Variants in SERPINE2 observed in about 807,000 individuals in gnomAD.
The protein encoded by SERPINE2 is glia-derived nexin.
A neutral mutation model predicts 36.3 loss-of-function variants in SERPINE2; 14 were observed. The ratio of observed to expected loss-of-function variants is 0.39; its 90% CI spans 0.25 to 0.60. SERPINE2 has a LOEUF of 0.60. Ranked by LOEUF, SERPINE2 falls within the 20% of genes least tolerant of loss-of-function variation. SERPINE2 has a pLI of 0.57. For missense variants in SERPINE2, 418 were observed against 499.6 expected (o/e 0.84, Z 1.56); for synonymous variants, 192 against 191.8 (o/e 1.00, Z -0.01).
intron 1 of SERPINE2, among the ~76,000 whole-genome samples, chr2:224,012,768 C>T (rs1405406545): frequency 6.6e-6 from 1 of 152,140 alleles, no homozygotes; most frequent in African/African-American, 2.4e-5. Context: ...TTATAACAAG[C>T]ATCCCTTTTC....
rs1690974195 is a variant in SERPINE2, at chr2:223,998,270, G to A, written c.332C>T (p.Ala111Val). 1.2e-6 allele frequency: 2 copies of A among 1,614,132 alleles called. No homozygotes were observed. The highest frequency in any genetic ancestry group is 1.7e-5 in the Admixed American group (1 of 60,030). Reference protein sequence around the residue: ...SKKNKDIVTVANAVFVKNASE... With the variant: ...SKKNKDIVTVVNAVFVKNASE... ...GGCATTCTTAACAAACACGGCGTTA[G>A]CCACTGTCACAATGTCTTTATTCTT... Residue 111 changes from alanine (A) to valine (V), a missense_variant, in exon 3 of 9, where the codon GCT becomes GTT. Ala to Val is a moderately conservative substitution (Grantham distance 64, BLOSUM62 0). Coordinates refer to ENST00000409304, the MANE Select transcript of SERPINE2 (RefSeq NM_001136528.2).
intron 1 of SERPINE2, among the ~76,000 whole-genome samples, chr2:224,032,785 C>T: frequency 6.6e-6 from 1 of 152,204 alleles, no homozygotes; most frequent in East Asian, 1.9e-4. Context: ...TTGGAGGAAT[C>T]CTAGGACATG....
intron 3 of SERPINE2, among the ~76,000 whole-genome samples, chr2:223,996,702 A>T (rs927361267): frequency 1.3e-5 from 2 of 152,202 alleles, no homozygotes; most frequent in Non-Finnish European, 2.9e-5. Context: ...CACTTTTAAG[A>T]AACATAGCCT....
chr2:223,985,604 T>C (rs1376882899), intron 4 of SERPINE2, among the ~76,000 whole-genome samples: 1 of 152,154 alleles, frequency 6.6e-6, no homozygotes, highest in Non-Finnish European at 1.5e-5. Context: ...GCCAGGCCCA[T>C]ATCAACCCTT....
At chr2:223,977,708 T>C in intron 7 of SERPINE2, 81 bp from the exon 8 acceptor site, 3 of 909,882 alleles carry the variant, frequency 3.3e-6, no homozygotes, top group East Asian at 4.9e-5. Context: ...GCTAGCTTCA[T>C]GGACCCTCAG....
chr2:223,998,842 C>T (rs1336582645), intron 2 of SERPINE2, among the ~76,000 whole-genome samples: 1 of 152,186 alleles, frequency 6.6e-6, no homozygotes, highest in Non-Finnish European at 1.5e-5. Context: ...ACCACTGAAG[C>T]TCTCAAAAAT....
At chr2:224,020,050 T>A (rs1008811270) in intron 1 of SERPINE2, among the ~76,000 whole-genome samples, 9 of 152,198 alleles carry the variant, frequency 5.9e-5, no homozygotes, top group African/African-American at 2.2e-4. Flanking sequence ...AGTATTTTAA[T>A]TCTGCCTTCA....
intron 1 of SERPINE2, among the ~76,000 whole-genome samples, chr2:224,007,085 A>C (rs527800055): frequency 2.0e-5 from 3 of 152,236 alleles, no homozygotes; most frequent in African/African-American, 7.2e-5. Flanking sequence ...TCTACCTAAT[A>C]AATTCTTTTT....
rs1347334514 is a variant in SERPINE2, at chr2:223,980,396, C to T, written c.987G>A (p.Arg329=). The T allele has an allele frequency of 7.4e-6, 12 of 1,613,710 alleles. No individual in the cohort carries two copies. Among genetic ancestry groups the T allele is most frequent in the Non-Finnish European group, 9.3e-6 (11 of 1,179,592 alleles). Residue 329 remains arginine, a splice_region_variant and synonymous_variant, in exon 7 of 9, where the codon AGG becomes AGA. Coordinates refer to ENST00000409304, the MANE Select transcript of SERPINE2 (RefSeq NM_001136528.2). ...SSKANFAKIT[R]SENLHVSHIL... is the part of the protein sequence containing the mutation. ...TATGAGAAACATGGAGGTTTTCTGA[C>T]CCTGCTTCCAGAAAATAAAACAGTA...
chr2:223,987,892 A>G (rs1283015002), intron 4 of SERPINE2, among the ~76,000 whole-genome samples: 2 of 152,232 alleles, frequency 1.3e-5, no homozygotes, highest in East Asian at 1.9e-4. Flanking sequence ...TTTATAGATG[A>G]AAGTCCCTCT....
rs1464845804 is a variant in SERPINE2 at position 224,026,595 on chromosome 2, C to T, written c.-23+12504G>A. Among the ~76,000 whole-genome samples, 5 of 152,216 alleles carry T rather than the reference C, an allele frequency of 3.3e-5. No individual in the cohort carries two copies. The East Asian group carries it at 5.8e-4, about 18-fold the overall frequency. On this transcript the variant is annotated intron_variant, in intron 1 of 8. Coordinates refer to ENST00000409304, the MANE Select transcript of SERPINE2 (RefSeq NM_001136528.2). ...AAGGACCCTACTAGACGGCAACTCC[C>T]TTTCTGAAGAACAATTTTGAGGAAA...
chr2:224,038,270 G>C (rs1692592653), intron 1 of SERPINE2, among the ~76,000 whole-genome samples: 1 of 152,004 alleles, frequency 6.6e-6, no homozygotes, highest in Non-Finnish European at 1.5e-5. Flanking sequence ...CTGCAAAGTA[G>C]CCAAAGCAAG....
intron 1 of SERPINE2, among the ~76,000 whole-genome samples, chr2:224,020,642 C>G (rs1446363626): frequency 6.6e-6 from 1 of 152,182 alleles, no homozygotes; most frequent in Non-Finnish European, 1.5e-5. Flanking sequence ...ACTGCAAATG[C>G]CCCACGAGTC....
At chr2:224,011,411 T>C (rs1397159492) in intron 1 of SERPINE2, among the ~76,000 whole-genome samples, 1 of 152,232 alleles carries the variant, frequency 6.6e-6, no homozygotes, top group Admixed American at 6.5e-5. Flanking sequence ...AACCATGAAT[T>C]CTTAAACATG....
chr2:224,032,952 A>G (rs990806907), intron 1 of SERPINE2, among the ~76,000 whole-genome samples: 1 of 152,222 alleles, frequency 6.6e-6, no homozygotes, highest in African/African-American at 2.4e-5. Context: ...GGCAAGACTC[A>G]CTGACTGTAG....
rs541765099 is a variant in SERPINE2 at position 224,030,190 on chromosome 2, C to A, written c.-23+8909G>T. ...CAGCCTTCCTTTGCTTCATGGCCAA[C>A]GCACAAGAGCCTGAAGCCTGCGGGC... On this transcript the variant is annotated intron_variant, in intron 1 of 8. Coordinates refer to ENST00000409304, the MANE Select transcript of SERPINE2 (RefSeq NM_001136528.2). 7 of 985,270 alleles carry A rather than the reference C, an allele frequency of 7.1e-6. 1 individual carries two copies. Among genetic ancestry groups the A allele is most frequent in the Non-Finnish European group, 8.4e-6 (7 of 829,946 alleles). 61.0% of individuals were successfully genotyped at this position (985,270 alleles called of 1,614,324 possible). A position where few individuals can be genotyped will look rare whatever the true frequency, so the allele number is the denominator to read the frequency against.
chr2:224,009,705 C>A (rs1691558605), intron 1 of SERPINE2, among the ~76,000 whole-genome samples: 1 of 144,694 alleles, frequency 6.9e-6, no homozygotes, highest in Non-Finnish European at 1.5e-5. Context: ...AAAAAAAAAA[C>A]AACAACAAAA....
rs971932879 is a variant in SERPINE2 at position 224,002,059 on chromosome 2, C to G, written c.-22-137G>C. The G allele has an allele frequency of 4.5e-5, 34 of 760,318 alleles. No individual in the cohort carries two copies. The African/African-American group carries it at 4.7e-4, about 11-fold the overall frequency. 47.1% of individuals were successfully genotyped at this position (760,318 alleles called of 1,614,324 possible). A position where few individuals can be genotyped will look rare whatever the true frequency, so the allele number is the denominator to read the frequency against. On this transcript the variant is annotated intron_variant, in intron 1 of 8. Coordinates refer to ENST00000409304, the MANE Select transcript of SERPINE2 (RefSeq NM_001136528.2). ...TGGTGCCATCTCAGCTCACTGCAACCTCCGCCTCCTGGGTTCAAGCAATTC... is the reference window on the plus strand; with the variant it reads ...TGGTGCCATCTCAGCTCACTGCAACGTCCGCCTCCTGGGTTCAAGCAATTC...
intron 1 of SERPINE2, among the ~76,000 whole-genome samples, chr2:224,036,087 T>A (rs891689442): frequency 6.6e-6 from 1 of 152,168 alleles, no homozygotes; most frequent in Non-Finnish European, 1.5e-5. Context: ...GGGGTGTTTT[T>A]TTGGCCTAAA....
Sources: allele counts gnomAD v4.1 joint callset (sites outside exome capture counted in the v4.1 genomes callset), GRCh38; gene constraint gnomAD v4.1.1; transcripts MANE v1.5; gene names NCBI Gene and HGNC (gene_info 2026-07-23, HGNC 2026-07-21).